Variants in CTTNBP2 observed in about 807,000 individuals in gnomAD.
The protein encoded by CTTNBP2 is cortactin-binding protein 2.
In CTTNBP2, 108 loss-of-function variants were observed where a neutral mutation model predicts 156.9. That is an observed-to-expected ratio of 0.69 (90% CI 0.59 to 0.81). The LOEUF (loss-of-function observed/expected upper bound fraction) is 0.81. CTTNBP2 is among the 30% of genes least tolerant of loss of function. The pLI is 0.00. For synonymous variants in CTTNBP2, 767 were observed against 751.8 expected (o/e 1.02, Z -0.33); for missense variants, 1,924 against 2,035.4 (o/e 0.95, Z 1.05).
chr7:117,802,453 A>AC (rs1363772937), intron 3 of CTTNBP2, among the ~76,000 whole-genome samples: 3 of 126,912 alleles, frequency 2.4e-5, no homozygotes, highest in Admixed American at 7.3e-5. Context: ...AAAAAAAAAA[A>AC]AAAACAAAAA....
chr7:117,816,708 T>C (rs1800597126), intron 2 of CTTNBP2, among the ~76,000 whole-genome samples: 1 of 152,230 alleles, frequency 6.6e-6, no homozygotes, highest in Non-Finnish European at 1.5e-5. Context: ...TTTACTGCTC[T>C]TAAAATCTTA....
At chr7:117,727,062 G>C (rs1795132062) in intron 17 of CTTNBP2, among the ~76,000 whole-genome samples, 1 of 152,124 alleles carries the variant, frequency 6.6e-6, no homozygotes, top group African/African-American at 2.4e-5. Flanking sequence ...ACATAATAAT[G>C]AAGAAAGTGG....
chr7:117,856,364 T>C (rs1437833643), intron 2 of CTTNBP2, among the ~76,000 whole-genome samples: 1 of 152,212 alleles, frequency 6.6e-6, no homozygotes, highest in Non-Finnish European at 1.5e-5. Flanking sequence ...AAAAATAACA[T>C]GGGTTGTTGA....
intron 12 of CTTNBP2, among the ~76,000 whole-genome samples, chr7:117,754,903 C>T (rs555765114): frequency 4.6e-5 from 7 of 152,216 alleles, no homozygotes; most frequent in African/African-American, 9.6e-5. Context: ...TGCTAGTCAA[C>T]GCTAATTTGC....
At chr7:117,775,862 T>A (rs1412540080) in intron 8 of CTTNBP2, among the ~76,000 whole-genome samples, 3 of 151,894 alleles carry the variant, frequency 2.0e-5, no homozygotes, top group African/African-American at 7.3e-5. Context: ...GTTCCCAGAA[T>A]TTTTTTATCT....
Position 117,721,060 on chromosome 7 carries a change from AACTT to A in CTTNBP2, c.4511+3_4511+6del, listed in dbSNP as rs753301679. 40 of 1,568,292 alleles carry A rather than the reference AACTT, an allele frequency of 2.6e-5. No homozygotes were observed. Among genetic ancestry groups the A allele is most frequent in the Middle Eastern group, 1.7e-4 (1 of 6,004 alleles). On this transcript the variant is annotated splice_donor_5th_base_variant and intron_variant, in intron 20 of 22. Transcript: ENST00000160373. ...TGCTGTGAGTTAAATTTGAAAGGGGAACTTACTTTTGTTTTGACAGAGAAGCATT... is the reference window on the plus strand; with the variant it reads ...TGCTGTGAGTTAAATTTGAAAGGGGAACTTTTGTTTTGACAGAGAAGCATT...
Position 117,810,796 on chromosome 7 carries a change from T to C in CTTNBP2, c.383A>G (p.Gln128Arg), listed in dbSNP as rs753931915. The C allele has an allele frequency of 2.5e-6, 4 of 1,613,664 alleles. No homozygotes were observed. The highest frequency in any genetic ancestry group is 1.7e-5 in the Admixed American group (1 of 60,026). Residue 128 changes from glutamine (Q) to arginine (R), a missense_variant, in exon 3 of 23, where the codon CAG becomes CGG. Transcript: ENST00000160373. Reference sequence around the variant, plus strand: ...TTGTCTGCTCTCAGCAGCAGCCAGCTGTGCGGACATCCTTTCTTGCATTTT... The same window carrying C: ...TTGTCTGCTCTCAGCAGCAGCCAGCCGTGCGGACATCCTTTCTTGCATTTT... Reference protein sequence around the residue: ...CKKMQERMSAQLAAAESRQKK... With the variant: ...CKKMQERMSARLAAAESRQKK...
At chr7:117,851,928 AATC>A (rs1159660404) in intron 2 of CTTNBP2, among the ~76,000 whole-genome samples, 5 of 152,166 alleles carry the variant, frequency 3.3e-5, no homozygotes, top group East Asian at 1.9e-4. Flanking sequence ...ATCAATAGAA[AATC>A]ATCAACTCTA....
At chr7:117,809,538 G>T (rs1225000186) in intron 3 of CTTNBP2, among the ~76,000 whole-genome samples, 1 of 152,136 alleles carries the variant, frequency 6.6e-6, no homozygotes, top group African/African-American at 2.4e-5. Flanking sequence ...ATATCTTAGT[G>T]GTTGTCTGCA....
rs1022683438 is a variant in CTTNBP2, at chr7:117,792,883, T to C, written c.415-102A>G. 104 of 823,912 alleles carry C rather than the reference T, an allele frequency of 1.3e-4. 2 individuals are homozygous for C. The East Asian group carries it at 2.6e-3, about 20-fold the overall frequency. 51.0% of individuals were successfully genotyped at this position (823,912 alleles called of 1,614,324 possible). The stretch of plus-strand genomic sequence containing the variant: ...TTTTATTAATTTTCTAACAATTACA[T>C]AACTCGGGTTAGCAAAAACGCCACA... On this transcript the variant is annotated intron_variant, in intron 3 of 22. Transcript: ENST00000160373. This position sits in a 1 kb window ranked among gnomAD's most constrained non-coding sequence, Gnocchi z 4.2.
intron 5 of CTTNBP2, 122 bp downstream of exon 5, chr7:117,784,129 C>A: frequency 3.0e-6 from 2 of 660,232 alleles, no homozygotes; most frequent in Non-Finnish European, 4.9e-6. Flanking sequence ...AAAAACTATC[C>A]ATTACCACCT....
chr7:117,798,815 G>T (rs2116901454), intron 3 of CTTNBP2, among the ~76,000 whole-genome samples: 1 of 152,084 alleles, frequency 6.6e-6, no homozygotes, highest in South Asian at 2.1e-4. Flanking sequence ...TGCTAAATAT[G>T]TAGAAAACCA....
At chr7:117,845,610 T>C (rs901050567) in intron 2 of CTTNBP2, among the ~76,000 whole-genome samples, 3 of 152,240 alleles carry the variant, frequency 2.0e-5, no homozygotes, top group African/African-American at 7.2e-5. Context: ...CTGGCTACGC[T>C]AAATTCTAGC....
In CTTNBP2 at chr7:117,861,495, A is replaced by G. The variant is rs532412975; in HGVS notation, c.82-179T>C. ...CCTTCTAGGAGGAGAGGTAAAAACTATAACGCCAATCTCTCAACTCTCCTC... is the reference window on the plus strand; with the variant it reads ...CCTTCTAGGAGGAGAGGTAAAAACTGTAACGCCAATCTCTCAACTCTCCTC... On this transcript the variant is annotated intron_variant, in intron 1 of 22. Transcript: ENST00000160373. 7.9e-4 allele frequency among the ~76,000 whole-genome samples: 120 copies of G among 152,292 alleles called. 1 individual carries two copies. Among genetic ancestry groups the G allele is most frequent in the African/African-American group, 2.8e-3 (115 of 41,570 alleles).
intron 3 of CTTNBP2, among the ~76,000 whole-genome samples, chr7:117,810,051 T>A (rs1392552484): frequency 1.3e-5 from 2 of 152,190 alleles, no homozygotes; most frequent in Non-Finnish European, 2.9e-5. Context: ...TCACCACAAG[T>A]TTTCATTGAA....
At chr7:117,742,507 A>G (rs1014960599) in intron 14 of CTTNBP2, among the ~76,000 whole-genome samples, 1 of 152,186 alleles carries the variant, frequency 6.6e-6, no homozygotes, top group African/African-American at 2.4e-5. Flanking sequence ...AGGGGCAGAA[A>G]TCACAGGGAT....
intron 1 of CTTNBP2, among the ~76,000 whole-genome samples, chr7:117,861,843 T>G (rs1052466567): frequency 6.6e-6 from 1 of 151,896 alleles, no homozygotes; most frequent in African/African-American, 2.4e-5. Flanking sequence ...CAAAGTGGGT[T>G]TGTCGTTGTT....
At chr7:117,828,027 T>A (rs1051749764) in intron 2 of CTTNBP2, among the ~76,000 whole-genome samples, 1 of 152,164 alleles carries the variant, frequency 6.6e-6, no homozygotes, top group Admixed American at 6.5e-5. Context: ...CCACTGAGCA[T>A]CTGGAAAAAA....
intron 5 of CTTNBP2, among the ~76,000 whole-genome samples, chr7:117,783,653 C>T (rs757842394): frequency 6.6e-6 from 1 of 152,130 alleles, no homozygotes; most frequent in South Asian, 2.1e-4. Context: ...CTGAATTAAT[C>T]GACAATCATA....
Sources: allele counts gnomAD v4.1 joint callset (sites outside exome capture counted in the v4.1 genomes callset), GRCh38; gene constraint gnomAD v4.1.1; non-coding constraint Gnocchi (gnomAD v3.1); transcripts MANE v1.5; gene names NCBI Gene and HGNC (gene_info 2026-07-23, HGNC 2026-07-21).